Variants in GLCCI1 observed in about 807,000 individuals in gnomAD.
GLCCI1 encodes the protein glucocorticoid-induced transcript 1 protein.
GLCCI1 carries 24 observed loss-of-function variants against 52.2 expected under a neutral mutation model. That is an observed-to-expected ratio of 0.46 (90% CI 0.33 to 0.65). The LOEUF is 0.65. Among genes scored for constraint, GLCCI1 ranks in the 30% least tolerant of loss-of-function variants. The probability of loss-of-function intolerance (pLI) is 0.02; values close to 1 mark genes in which losing one functional copy is unlikely to be tolerated. For synonymous variants in GLCCI1, 310 were observed against 276.5 expected, an observed-to-expected ratio of 1.12 and a Z score of -1.20; for missense variants, 704 against 701.5, an observed-to-expected ratio of 1.00 and a Z score of -0.04.
intron 1 of GLCCI1, among the ~76,000 whole-genome samples, chr7:7,974,635 A>C (rs971508177): frequency 2.6e-5 from 4 of 152,210 alleles, no homozygotes; most frequent in African/African-American, 9.6e-5. Flanking sequence ...AATAAATGAC[A>C]GTGTTCAACA....
At chr7:8,045,413 C>G (rs1472932628) in intron 3 of GLCCI1, among the ~76,000 whole-genome samples, 1 of 151,932 alleles carries the variant, frequency 6.6e-6, no homozygotes, top group Non-Finnish European at 1.5e-5. Context: ...ACACAGTGGC[C>G]CCAGCTGGAA....
chr7:8,057,180 A>C lies in GLCCI1; in HGVS notation c.813+1631A>C, dbSNP rs62433447. ...TAAACATATGCTGACCGTTCAACCT[A>C]GAATTTTCGCCCTTTGATATCAATC... On this transcript the variant is annotated intron_variant, in intron 4 of 7. Transcript: ENST00000223145. 3.2e-3 allele frequency among the ~76,000 whole-genome samples: 488 copies of C among 152,298 alleles called. 3 individuals carry two copies. The highest frequency in any genetic ancestry group is 0.024 in the Middle Eastern group (7 of 292).
intron 1 of GLCCI1, among the ~76,000 whole-genome samples, chr7:7,982,582 G>A (rs908700555): frequency 6.6e-5 from 10 of 152,142 alleles, no homozygotes; most frequent in African/African-American, 2.2e-4. Context: ...ATACTCATCA[G>A]CCAGCTTAAG....
At chr7:8,031,311 A>G (rs1374828924) in intron 3 of GLCCI1, among the ~76,000 whole-genome samples, 3 of 152,160 alleles carry the variant, frequency 2.0e-5, no homozygotes, top group Admixed American at 6.5e-5. Context: ...CAAACATTGC[A>G]TGTTCTCAGT....
At chr7:8,068,957 A>C (rs1053643063) in intron 5 of GLCCI1, among the ~76,000 whole-genome samples, 1 of 152,180 alleles carries the variant, frequency 6.6e-6, no homozygotes, top group Non-Finnish European at 1.5e-5. Flanking sequence ...TCTTAAGCGT[A>C]ATGGCCAGTA....
At chr7:8,005,396 AGAG>A (rs968378632) in intron 2 of GLCCI1, among the ~76,000 whole-genome samples, 18 of 152,184 alleles carry the variant, frequency 1.2e-4, no homozygotes, top group Non-Finnish European at 2.5e-4. Context: ...GAAAGCAGCA[AGAG>A]GAGGAGGGAG....
intron 1 of GLCCI1, 54 bp from the exon 2 acceptor site, chr7:8,003,854 C>A: frequency 6.6e-7 from 1 of 1,511,654 alleles, no homozygotes; most frequent in Non-Finnish European, 9.0e-7. Context: ...AGTTAGATAA[C>A]TTTAAATTTT....
chr7:7,979,856 T>C (rs558561612), intron 1 of GLCCI1, among the ~76,000 whole-genome samples: 2 of 152,374 alleles, frequency 1.3e-5, no homozygotes, highest in South Asian at 2.1e-4. Context: ...TCATGTGTTA[T>C]GTCACCATTT....
At chr7:7,985,475 G>C (rs1056118536) in intron 1 of GLCCI1, among the ~76,000 whole-genome samples, 7 of 152,070 alleles carry the variant, frequency 4.6e-5, no homozygotes, top group Non-Finnish European at 1.0e-4. Context: ...TAAAACCAAT[G>C]ATGGGCACAC....
In GLCCI1 at chr7:8,022,511, C is replaced by T. The variant is rs1372543821; in HGVS notation, c.638C>T (p.Ala213Val). ...CCTAGCTGTTGGGCAGAAGAGGGTG[C>T]AGAAAAGAGGTCACATCAGCGTTCT... ...QTPSCWAEEG[A>V]EKRSHQRSAS... Residue 213 changes from alanine (A) to valine (V), a missense_variant, in exon 3 of 8, where the codon GCA becomes GTA. Coordinates refer to ENST00000223145, the MANE Select transcript of GLCCI1 (RefSeq NM_138426.4). 3.2e-6 allele frequency: 5 copies of T among 1,583,048 alleles called. No homozygotes were observed. Among genetic ancestry groups the T allele is most frequent in the South Asian group, 1.2e-5 (1 of 86,940 alleles).
At chr7:7,984,145 C>T (rs1025864709) in intron 1 of GLCCI1, among the ~76,000 whole-genome samples, 5 of 152,176 alleles carry the variant, frequency 3.3e-5, no homozygotes, top group Non-Finnish European at 7.3e-5. Context: ...ACTGCAGCCT[C>T]AGCTTCCTGG....
intron 3 of GLCCI1, among the ~76,000 whole-genome samples, chr7:8,037,755 C>G (rs1328906402): frequency 6.6e-6 from 1 of 151,942 alleles, no homozygotes; most frequent in Non-Finnish European, 1.5e-5. Flanking sequence ...ATACTTACAT[C>G]AGATAAAACA....
At chr7:8,013,315 A>G (rs1781307260) in intron 2 of GLCCI1, among the ~76,000 whole-genome samples, 1 of 152,134 alleles carries the variant, frequency 6.6e-6, no homozygotes, top group Admixed American at 6.5e-5. Context: ...TTTATTTTTC[A>G]AAGTGACTAA....
chr7:8,041,571 G>T (rs544823236), intron 3 of GLCCI1, among the ~76,000 whole-genome samples: 2 of 152,272 alleles, frequency 1.3e-5, no homozygotes, highest in Admixed American at 1.3e-4. Flanking sequence ...TTAAAGGACA[G>T]GCTGACTCTC....
At chr7:8,022,760 T>C (rs761968297) in intron 3 of GLCCI1, 191 bp downstream of exon 3, 1 of 274,450 alleles carries the variant, frequency 3.6e-6, no homozygotes. Flanking sequence ...GATTCTAGTT[T>C]GGTAGGCTGC....
chr7:8,045,120 A>G (rs944538604), intron 3 of GLCCI1, among the ~76,000 whole-genome samples: 9 of 152,312 alleles, frequency 5.9e-5, no homozygotes, highest in Admixed American at 1.3e-4. Context: ...CACTGAAACA[A>G]CTGTGAGCTG....
Position 8,071,066 on chromosome 7 carries a change from G to T in GLCCI1, c.1112G>T (p.Cys371Phe). ...SSHSPCVSPFCPPESQDGSPC... is the reference protein window; with the variant it reads ...SSHSPCVSPFFPPESQDGSPC... ...CATTCACCCTGTGTCTCCCCTTTTTGTCCCCCGGAATCCCAGGATGGTAGC... is the reference window on the plus strand; with the variant it reads ...CATTCACCCTGTGTCTCCCCTTTTTTTCCCCCGGAATCCCAGGATGGTAGC... The change falls in exon 6 of 8, where the codon TGT becomes TTT. Residue 371 changes from cysteine to phenylalanine, a missense_variant. By Grantham distance (205) the Cys-to-Phe change is radical. Coordinates refer to ENST00000223145, the MANE Select transcript of GLCCI1 (RefSeq NM_138426.4). The T allele has an allele frequency of 6.2e-7, 1 of 1,614,124 alleles. No homozygotes were observed. Among genetic ancestry groups the T allele is most frequent in the South Asian group, 1.1e-5 (1 of 91,070 alleles).
chr7:8,036,714 C>A (rs1781876220), intron 3 of GLCCI1, among the ~76,000 whole-genome samples: 1 of 151,886 alleles, frequency 6.6e-6, no homozygotes, highest in South Asian at 2.1e-4. Flanking sequence ...TTAAATCCAC[C>A]AGAACTTTTA....
chr7:8,069,096 C>T (rs1782695899), intron 5 of GLCCI1, among the ~76,000 whole-genome samples: 1 of 152,150 alleles, frequency 6.6e-6, no homozygotes, highest in Non-Finnish European at 1.5e-5. Context: ...TGGCTTGGCA[C>T]TCCCAGGCTG....
Sources: gnomAD v4.1 joint callset for allele counts (sites outside exome capture counted in the v4.1 genomes callset) on GRCh38, gnomAD v4.1.1 for gene constraint, MANE v1.5 for transcripts, NCBI Gene and HGNC (gene_info 2026-07-23, HGNC 2026-07-21) for gene names.